CATSPERD: variants seen among roughly 807,000 people sequenced by gnomAD.
CATSPERD encodes catsper channel auxiliary subunit delta.
Under a neutral mutation model 98.1 loss-of-function variants are expected in CATSPERD, and 86 were observed. That is an observed-to-expected ratio of 0.88 (90% CI 0.74 to 1.05). The LOEUF is 1.05. Among genes scored for constraint, CATSPERD ranks in the 50% least tolerant of loss-of-function variants. The pLI is 0.00. For missense variants in CATSPERD, 995 were observed against 1,005.7 expected (o/e 0.99, Z 0.14); for synonymous variants, 394 against 390.2 (o/e 1.01, Z -0.12).
At chr19:5,722,553 A>C (rs1302826408) in intron 1 of CATSPERD, among the ~76,000 whole-genome samples, 1 of 152,196 alleles carries the variant, frequency 6.6e-6, no homozygotes, top group Non-Finnish European at 1.5e-5. Flanking sequence ...TCGAGTTCTG[A>C]AAATGTGGGT....
At chr19:5,769,103 A>C (rs368438484) in intron 18 of CATSPERD, among the ~76,000 whole-genome samples, 2 of 151,688 alleles carry the variant, frequency 1.3e-5, no homozygotes, top group African/African-American at 4.8e-5. Context: ...GCAGTGAGCC[A>C]AGATTGAGCC....
intron 1 of CATSPERD, among the ~76,000 whole-genome samples, chr19:5,723,044 C>T (rs1291606399): frequency 1.3e-5 from 2 of 151,318 alleles, no homozygotes; most frequent in African/African-American, 4.8e-5. Context: ...AAAAATTAGT[C>T]GGTGTGGTGG....
At chr19:5,732,234 G>C (rs2055740009) in intron 4 of CATSPERD, among the ~76,000 whole-genome samples, 1 of 151,950 alleles carries the variant, frequency 6.6e-6, no homozygotes, top group South Asian at 2.1e-4. Context: ...TTCTCCCAGA[G>C]TGCTAGGATT....
intron 18 of CATSPERD, among the ~76,000 whole-genome samples, chr19:5,768,971 T>C (rs1036672054): frequency 3.3e-5 from 5 of 151,802 alleles, no homozygotes; most frequent in African/African-American, 7.3e-5. Context: ...CTGGCCAACA[T>C]GGCAAAACCC....
chr19:5,773,693 CTTTTTTT>C (rs71172770), intron 20 of CATSPERD, among the ~76,000 whole-genome samples: 1 of 121,394 alleles, frequency 8.2e-6, no homozygotes, highest in Non-Finnish European at 1.8e-5. Context: ...ATTTTTGTAT[CTTTTTTT>C]TTTTTTTTTT....
chr19:5,764,192 C>G (rs1217441908), intron 16 of CATSPERD, among the ~76,000 whole-genome samples: 1 of 151,266 alleles, frequency 6.6e-6, no homozygotes, highest in African/African-American at 2.4e-5. Context: ...CCTCAGCCTC[C>G]CAAAGTGCTG....
At chr19:5,722,068 C>T (rs1599496271) in intron 1 of CATSPERD, among the ~76,000 whole-genome samples, 1 of 152,076 alleles carries the variant, frequency 6.6e-6, no homozygotes, top group East Asian at 1.9e-4. Flanking sequence ...CCTCCTGCCT[C>T]AGCCTCCCAA....
At chr19:5,766,939 C>G (rs546401079) in intron 17 of CATSPERD, among the ~76,000 whole-genome samples, 1 of 151,720 alleles carries the variant, frequency 6.6e-6, no homozygotes. Context: ...GTGATTTGCC[C>G]GCCTCAGCCT....
intron 15 of CATSPERD, among the ~76,000 whole-genome samples, chr19:5,759,965 T>C (rs1327819404): frequency 6.9e-6 from 1 of 145,538 alleles, no homozygotes; most frequent in Non-Finnish European, 1.5e-5. Context: ...TAATCCCAGG[T>C]ATTCAGGAGG....
At chr19:5,772,676 C>G in intron 19 of CATSPERD, 112 bp from the exon 20 acceptor site, 1 of 1,100,280 alleles carries the variant, frequency 9.1e-7, no homozygotes, top group Admixed American at 2.3e-5. Context: ...GGTTTCCTCT[C>G]TGTCACCTCC....
intron 7 of CATSPERD, among the ~76,000 whole-genome samples, chr19:5,742,265 T>G (rs1599538021): frequency 1.3e-5 from 2 of 150,194 alleles, no homozygotes; most frequent in African/African-American, 5.0e-5. Flanking sequence ...TGGGTGTGCG[T>G]GTGCATGTGT....
intron 13 of CATSPERD, 47 bp from the exon 14 acceptor site, chr19:5,757,796 C>T (rs766345926): frequency 6.7e-7 from 1 of 1,497,228 alleles, no homozygotes; most frequent in Non-Finnish European, 9.2e-7. Flanking sequence ...TCACCCCGTC[C>T]TGCCTGCTGG....
chr19:5,778,233 G>T, intron 21 of CATSPERD, 143 bp from the exon 22 acceptor site: 1 of 631,360 alleles, frequency 1.6e-6, no homozygotes, highest in Non-Finnish European at 2.7e-6. Context: ...AAGGCATAGT[G>T]GATGGAAACA....
chr19:5,747,796 G>C (rs1471264336), intron 9 of CATSPERD, among the ~76,000 whole-genome samples: 6 of 151,796 alleles, frequency 4.0e-5, no homozygotes, highest in African/African-American at 7.3e-5. Context: ...ATTTTTAGTA[G>C]AGACAAGGTT....
Position 5,772,815 on chromosome 19 carries a change from C to T in CATSPERD, c.1791C>T (p.Val597=), listed in dbSNP as rs765397290. Residue 597 remains valine, a synonymous_variant, in exon 20 of 22, where the codon GTC becomes GTT. Coordinates refer to ENST00000381624, the MANE Select transcript of CATSPERD (RefSeq NM_152784.4). ...ELWRKDSFQE[V]IDAEYVLLEV... Reference sequence around the variant, plus strand: ...GGCGAAAAGACAGTTTCCAGGAGGTCATCGACGCCGAGTATGTGTTACTGG... The same window carrying T: ...GGCGAAAAGACAGTTTCCAGGAGGTTATCGACGCCGAGTATGTGTTACTGG... 1.1e-5 allele frequency: 17 copies of T among 1,613,776 alleles called. 1 individual carries two copies. The highest frequency in any genetic ancestry group is 4.5e-5 in the East Asian group (2 of 44,880).
intron 5 of CATSPERD, 55 bp downstream of exon 5, chr19:5,734,025 G>C: frequency 9.7e-7 from 1 of 1,031,770 alleles, no homozygotes; most frequent in South Asian, 1.4e-5. Context: ...CATGAGAGAA[G>C]AGGGTATTAG....
At position 5,773,203 on chromosome 19, in the gene CATSPERD, T is replaced by C. The variant is rs942794802; in HGVS notation, c.1941+238T>C. On this transcript the variant is annotated intron_variant, in intron 20 of 21. Transcript: ENST00000381624. ...CCCGTCTCTACTAAAAATACAAAAA[T>C]CAGTCGGGCATGGTGGCGGACACCT... 3.3e-5 allele frequency among the ~76,000 whole-genome samples: 5 copies of C among 152,102 alleles called. No homozygotes were observed. The South Asian group carries it at 1.0e-3, about 32-fold the overall frequency.
In CATSPERD at chr19:5,748,170, C is replaced by T. The variant is rs192744307; in HGVS notation, c.819C>T (p.Val273=). The change falls in exon 10 of 22, where the codon GTC becomes GTT. Residue 273 remains valine (V), a synonymous_variant. Coordinates refer to ENST00000381624, the MANE Select transcript of CATSPERD (RefSeq NM_152784.4). ...LLFSHNAGQL[V]DTVRVKKGDQ... ...CCTGTTACCTCCTAGGTCAGCTCGTCGACACCGTCCGGGTGAAAAAAGGAG... is the reference window on the plus strand; with the variant it reads ...CCTGTTACCTCCTAGGTCAGCTCGTTGACACCGTCCGGGTGAAAAAAGGAG... 8.1e-6 allele frequency: 13 copies of T among 1,613,804 alleles called. 1 individual carries two copies. Among genetic ancestry groups the T allele is most frequent in the East Asian group, 4.5e-5 (2 of 44,854 alleles).
intron 1 of CATSPERD, among the ~76,000 whole-genome samples, chr19:5,724,012 C>T (rs140048967): frequency 4.3e-4 from 65 of 152,114 alleles, no homozygotes; most frequent in African/African-American, 1.5e-3. Flanking sequence ...AGGCTGGTCT[C>T]GAAGTCCCAA....
Sources: allele counts gnomAD v4.1 joint callset (sites outside exome capture counted in the v4.1 genomes callset), GRCh38; gene constraint gnomAD v4.1.1; transcripts MANE v1.5; gene names NCBI Gene and HGNC (gene_info 2026-07-23, HGNC 2026-07-21).